The following CADM2 variants were observed in gnomAD, a reference collection of about 807,000 sequenced individuals.
The protein encoded by CADM2 is cell adhesion molecule 2.
CADM2 carries 12 observed loss-of-function variants against 49.8 expected under a neutral mutation model. The observed-to-expected ratio is 0.24, with a 90% CI of 0.15 to 0.39. CADM2 has a LOEUF of 0.39. Among genes scored for constraint, CADM2 ranks in the 10% least tolerant of loss-of-function variants. The probability of loss-of-function intolerance (pLI) is 1.00; values close to 1 mark genes in which losing one functional copy is unlikely to be tolerated. For synonymous variants in CADM2, 214 were observed against 175.4 expected, an observed-to-expected ratio of 1.22 and a Z score of -1.74; for missense variants, 378 against 492.3, an observed-to-expected ratio of 0.77 and a Z score of 2.20.
chr3:85,738,535 C>T (rs981129706), intron 2 of CADM2, among the ~76,000 whole-genome samples: 1 of 152,104 alleles, frequency 6.6e-6, no homozygotes, highest in African/African-American at 2.4e-5. Context: ...GGTGGCATGG[C>T]CAGTAGGTCA....
intron 1 of CADM2, among the ~76,000 whole-genome samples, chr3:85,674,999 C>A (rs1403091360): frequency 6.6e-6 from 1 of 152,128 alleles, no homozygotes; most frequent in Non-Finnish European, 1.5e-5. Context: ...GCACACATAT[C>A]TAGACTGCTG....
chr3:85,429,027 T>A (rs1009982683), intron 1 of CADM2, among the ~76,000 whole-genome samples: 1 of 152,038 alleles, frequency 6.6e-6, no homozygotes, highest in Non-Finnish European at 1.5e-5. Flanking sequence ...GGTTTTAGTT[T>A]ACTTGACTCT....
At chr3:85,490,134 C>G (rs917736717) in intron 1 of CADM2, among the ~76,000 whole-genome samples, 1 of 151,912 alleles carries the variant, frequency 6.6e-6, no homozygotes, top group African/African-American at 2.4e-5. Flanking sequence ...GACTCTTCTA[C>G]TTGTATTTTC....
At chr3:85,249,255 C>A (rs2042721451) in intron 1 of CADM2, among the ~76,000 whole-genome samples, 2 of 151,982 alleles carry the variant, frequency 1.3e-5, no homozygotes, top group Admixed American at 1.3e-4. Flanking sequence ...GAATTTTTAC[C>A]AATTTTTCAA....
At chr3:85,093,372 G>T (rs1023698482) in intron 1 of CADM2, among the ~76,000 whole-genome samples, 1 of 151,746 alleles carries the variant, frequency 6.6e-6, no homozygotes. Flanking sequence ...TTAGCTCGGC[G>T]TGGTGGTGCA....
chr3:85,996,120 T>C lies in CADM2; in HGVS notation c.970+34473T>C, dbSNP rs185217331. On this transcript the variant is annotated intron_variant, in intron 8 of 9. Transcript: ENST00000383699. ...AAAAAATAAAAAATAAAAATAAAAA[T>C]AAAATAAAATATAAGATTTTGTTCA... Among the ~76,000 whole-genome samples, 549 of 149,842 alleles carry C rather than the reference T, an allele frequency of 3.7e-3. 1 individual carries two copies. The highest frequency in any genetic ancestry group is 4.8e-3 in the Non-Finnish European group (326 of 67,394).
intron 8 of CADM2, among the ~76,000 whole-genome samples, chr3:85,976,696 A>G (rs1238837864): frequency 6.6e-6 from 1 of 151,486 alleles, no homozygotes; most frequent in South Asian, 2.1e-4. Flanking sequence ...TTTAAACCCA[A>G]TTGTCATTTT....
At chr3:85,558,464 TATG>T (rs143396207) in intron 1 of CADM2, among the ~76,000 whole-genome samples, 9,071 of 152,060 alleles carry the variant, frequency 0.06, 442 homozygotes, top group Non-Finnish European at 0.085. Context: ...AGACAGTTAA[TATG>T]ATGATATTTT....
intron 1 of CADM2, among the ~76,000 whole-genome samples, chr3:85,454,554 A>AT (rs2037905117): frequency 6.6e-6 from 1 of 152,194 alleles, no homozygotes; most frequent in Non-Finnish European, 1.5e-5. Context: ...TCCTCGATAT[A>AT]TAAAAACCAG....
At chr3:85,276,146 C>T (rs1458610241) in intron 1 of CADM2, among the ~76,000 whole-genome samples, 2 of 151,112 alleles carry the variant, frequency 1.3e-5, no homozygotes, top group African/African-American at 4.8e-5. Flanking sequence ...GTATCTCTTA[C>T]AAAGTTAAAA....
At chr3:86,050,461 C>T (rs142655526) in intron 8 of CADM2, among the ~76,000 whole-genome samples, 184 of 152,304 alleles carry the variant, frequency 1.2e-3, no homozygotes, top group Non-Finnish European at 2.3e-3. Context: ...AGTGACTCTA[C>T]TCCCAGAGCT....
rs181906682 is a variant in CADM2 at position 86,028,265 on chromosome 3, G to A, written c.971-37340G>A. ...AAATTCTCATTTCACCATTCTTCAG[G>A]CAAAGAAATTGCAATTCCTATTGCA... On this transcript the variant is annotated intron_variant, in intron 8 of 9. Coordinates refer to ENST00000383699, the MANE Select transcript of CADM2 (RefSeq NM_001167675.2). Among the ~76,000 whole-genome samples the A allele has an allele frequency of 8.0e-5, 12 of 150,544 alleles. No homozygotes were observed. In the East Asian group the frequency reaches 2.3e-3, roughly 29 times the overall value.
intron 1 of CADM2, among the ~76,000 whole-genome samples, chr3:84,963,604 G>A (rs56328407): frequency 0.047 from 7,113 of 151,906 alleles, 553 homozygotes; most frequent in African/African-American, 0.16. Context: ...GTATATTCTG[G>A]TAAATTATTT....
In CADM2 at chr3:85,978,266, T is replaced by A. The variant is rs556797898; in HGVS notation, c.970+16619T>A. ...TGCTGCTCTTCATATTTTCAGCTGA[T>A]TTTTAGTGAAAGGAAAGAGGATTTG... is the stretch of plus-strand genomic sequence containing the variant. On this transcript the variant is annotated intron_variant, in intron 8 of 9. Transcript: ENST00000383699. Among the ~76,000 whole-genome samples, 4 of 151,714 alleles carry A rather than the reference T, an allele frequency of 2.6e-5. No homozygotes were observed. In the South Asian group the frequency reaches 8.3e-4, roughly 31 times the overall value.
At chr3:85,162,647 A>T (rs2040361465) in intron 1 of CADM2, among the ~76,000 whole-genome samples, 3 of 152,110 alleles carry the variant, frequency 2.0e-5, no homozygotes, top group Admixed American at 2.0e-4. Context: ...CAGAATTTCA[A>T]TGACATCTAT....
chr3:85,628,122 TA>T (rs1022282205), intron 1 of CADM2, among the ~76,000 whole-genome samples: 2 of 152,016 alleles, frequency 1.3e-5, no homozygotes, highest in African/African-American at 4.8e-5. Flanking sequence ...CAGCTCAAAT[TA>T]TACTGAATCG....
At chr3:85,606,961 G>A (rs2063555078) in intron 1 of CADM2, among the ~76,000 whole-genome samples, 1 of 152,076 alleles carries the variant, frequency 6.6e-6, no homozygotes, top group African/African-American at 2.4e-5. Flanking sequence ...AAAGATAAGA[G>A]ATGGAGAAGT....
At chr3:85,806,810 T>C (rs777113103) in intron 3 of CADM2, among the ~76,000 whole-genome samples, 2 of 151,960 alleles carry the variant, frequency 1.3e-5, no homozygotes, top group Non-Finnish European at 2.9e-5. Context: ...CCCGGGGAGA[T>C]AGGAGTCTAG....
chr3:85,321,843 A>G lies in CADM2; in HGVS notation c.61+362175A>G, dbSNP rs547796744. On this transcript the variant is annotated intron_variant, in intron 1 of 9. Coordinates refer to ENST00000383699, the MANE Select transcript of CADM2 (RefSeq NM_001167675.2). ...TTTTAGACCTCATTGTATGAATAGTATGCATTTTTGGATCAAATAATTTGT... is the reference window on the plus strand; with the variant it reads ...TTTTAGACCTCATTGTATGAATAGTGTGCATTTTTGGATCAAATAATTTGT... Among the ~76,000 whole-genome samples the G allele has an allele frequency of 2.6e-5, 4 of 152,314 alleles. No homozygotes were observed. The South Asian group carries it at 8.3e-4, about 32-fold the overall frequency.
Sources: allele counts gnomAD v4.1 joint callset (sites outside exome capture counted in the v4.1 genomes callset), GRCh38; gene constraint gnomAD v4.1.1; transcripts MANE v1.5; gene names NCBI Gene and HGNC (gene_info 2026-07-23, HGNC 2026-07-21).